NOL10: variants seen among roughly 807,000 people sequenced by gnomAD.
NOL10 encodes H_NH0074G24.1.
NOL10 carries 58 observed loss-of-function variants against 103.5 expected under a neutral mutation model. The observed-to-expected ratio is 0.56, with a 90% CI of 0.45 to 0.70. The LOEUF (loss-of-function observed/expected upper bound fraction) is 0.70, where lower values mean the gene tolerates loss of function less well. NOL10 is among the 30% of genes least tolerant of loss of function. The pLI, the probability that NOL10 is intolerant of heterozygous loss-of-function variation, is 0.00. For synonymous variants in NOL10, 287 were observed against 282.5 expected, an observed-to-expected ratio of 1.02 and a Z score of -0.16; for missense variants, 763 against 807.3, an observed-to-expected ratio of 0.95 and a Z score of 0.67.
chr2:10,573,196 G>A (rs1313313500), intron 20 of NOL10, among the ~76,000 whole-genome samples: 2 of 151,870 alleles, frequency 1.3e-5, no homozygotes, highest in Non-Finnish European at 2.9e-5. Context: ...TCTGGGATCT[G>A]TATTTTCTTT....
At chr2:10,630,416 T>C (rs905360776) in intron 13 of NOL10, among the ~76,000 whole-genome samples, 2 of 152,122 alleles carry the variant, frequency 1.3e-5, no homozygotes, top group African/African-American at 4.8e-5. Flanking sequence ...CATTTGACCT[T>C]AAACAATAAC....
chr2:10,619,843 T>C (rs1044094156), intron 13 of NOL10, among the ~76,000 whole-genome samples: 5 of 152,238 alleles, frequency 3.3e-5, no homozygotes, highest in Admixed American at 2.6e-4. Context: ...TTTATCATCA[T>C]ATTACACTTG....
At chr2:10,684,452 T>G in intron 2 of NOL10, 115 bp downstream of exon 2, 1 of 816,332 alleles carries the variant, frequency 1.2e-6, no homozygotes, top group East Asian at 2.8e-5. Flanking sequence ...GCATTCATTT[T>G]CCACTACATG....
chr2:10,689,231 G>C (rs879737329), intron 1 of NOL10, among the ~76,000 whole-genome samples: 2 of 152,152 alleles, frequency 1.3e-5, no homozygotes, highest in Admixed American at 1.3e-4. Context: ...CTAAACACGA[G>C]AAGATTGGAA....
At position 10,618,238 on chromosome 2, in the gene NOL10, GTTT is replaced by G. The variant is rs1553302180; in HGVS notation, c.1027-10930_1027-10928del. Among the ~76,000 whole-genome samples, 363 of 130,392 alleles carry G rather than the reference GTTT, an allele frequency of 2.8e-3. 1 individual carries two copies. The highest frequency in any genetic ancestry group is 8.7e-3 in the African/African-American group (325 of 37,162). 85.5% of individuals were successfully genotyped at this position (130,392 alleles called of 152,430 possible). A position where few individuals can be genotyped will look rare whatever the true frequency, so the allele number is the denominator to read the frequency against. ...ATGTGTATTATGTCTTTAAAAAGCT[GTTT>G]TTTTAAAAAAAAATGAATTAAGGAG... On this transcript the variant is annotated intron_variant, in intron 13 of 20. Transcript: ENST00000381685.
chr2:10,664,930 T>C (rs1193724866), intron 8 of NOL10, among the ~76,000 whole-genome samples: 8 of 152,184 alleles, frequency 5.3e-5, no homozygotes, highest in African/African-American at 1.7e-4. Context: ...GAAACAGGAA[T>C]AGGACAGGGT....
chr2:10,603,010 T>A, intron 15 of NOL10, 68 bp downstream of exon 15: 2 of 1,315,736 alleles, frequency 1.5e-6, no homozygotes, highest in Non-Finnish European at 1.1e-6. Context: ...AAAGTGCGAG[T>A]AGTGAGGAAA....
intron 19 of NOL10, among the ~76,000 whole-genome samples, chr2:10,582,118 A>G (rs1475827531): frequency 6.6e-6 from 1 of 152,254 alleles, no homozygotes; most frequent in Non-Finnish European, 1.5e-5. Flanking sequence ...TTTCCAGATT[A>G]GATTTTTAAA....
intron 2 of NOL10, 117 bp downstream of exon 2, chr2:10,684,450 T>G: frequency 1.2e-6 from 1 of 812,472 alleles, no homozygotes; most frequent in South Asian, 1.8e-5. Flanking sequence ...GAGCATTCAT[T>G]TTCCACTACA....
intron 4 of NOL10, 40 bp downstream of exon 4, chr2:10,675,751 TAAA>T: frequency 2.6e-6 from 3 of 1,167,772 alleles, no homozygotes; most frequent in Admixed American, 2.7e-5. Flanking sequence ...GCAGACAACA[TAAA>T]AAGCCATTTT....
intron 12 of NOL10, among the ~76,000 whole-genome samples, chr2:10,644,585 CCTAA>C (rs1384393052): frequency 1.3e-5 from 2 of 152,068 alleles, no homozygotes; most frequent in Non-Finnish European, 2.9e-5. Flanking sequence ...AAAGCAAATT[CCTAA>C]CTTTTACAAA....
chr2:10,599,498 T>C (rs1336227217), intron 17 of NOL10, among the ~76,000 whole-genome samples: 1 of 152,334 alleles, frequency 6.6e-6, no homozygotes, highest in Non-Finnish European at 1.5e-5. Flanking sequence ...TTTATACACA[T>C]TGGTGTAACT....
chr2:10,643,642 C>A (rs1678866520), intron 13 of NOL10, among the ~76,000 whole-genome samples: 1 of 152,030 alleles, frequency 6.6e-6, no homozygotes, highest in South Asian at 2.1e-4. Flanking sequence ...ATATATGTAA[C>A]TTATTTTTAA....
chr2:10,660,442 G>A (rs1680121861), intron 9 of NOL10, among the ~76,000 whole-genome samples: 1 of 151,956 alleles, frequency 6.6e-6, no homozygotes. Context: ...TCAGCCTCCC[G>A]AGTAGCTGGG....
chr2:10,638,483 C>CTTTTTTTTTTTTT lies in NOL10; in HGVS notation c.1026+5824_1026+5836dup, dbSNP rs869294782. On this transcript the variant is annotated intron_variant, in intron 13 of 20. Transcript: ENST00000381685. ...GCACATACCCTTATAGCTGAATTCCCTTTTTTTTTTTTTTTTTTTTTTTTT... is the reference window on the plus strand; with the variant it reads ...GCACATACCCTTATAGCTGAATTCCCTTTTTTTTTTTTTTTTTTTTTTTTTTTTTTTTTTTTTT... Among the ~76,000 whole-genome samples the CTTTTTTTTTTTTT allele has an allele frequency of 4.0e-4, 31 of 77,778 alleles. 5 individuals are homozygous for CTTTTTTTTTTTTT. Among genetic ancestry groups the CTTTTTTTTTTTTT allele is most frequent in the African/African-American group, 1.6e-3 (30 of 18,674 alleles). The allele number at this position is 77,778 out of a possible 152,430, so 51.0% of individuals were successfully genotyped here. A position where few individuals can be genotyped will look rare whatever the true frequency, so the allele number is the denominator to read the frequency against.
intron 13 of NOL10, among the ~76,000 whole-genome samples, chr2:10,609,431 C>CAAAAAAAAAAAAAAAAAAA (rs60104799): frequency 9.0e-6 from 1 of 111,588 alleles, no homozygotes; most frequent in Non-Finnish European, 1.7e-5. Flanking sequence ...ACTAAAAATA[C>CAAAAAAAAAAAAAAAAAAA]AAAAAAAAAA....
chr2:10,632,046 C>T (rs752477921), intron 13 of NOL10, among the ~76,000 whole-genome samples: 11 of 152,130 alleles, frequency 7.2e-5, no homozygotes, highest in South Asian at 2.1e-4. Context: ...GCATTAAGTA[C>T]GGTCAAGAAG....
At chr2:10,592,460 G>C (rs1245338173) in intron 17 of NOL10, among the ~76,000 whole-genome samples, 1 of 152,120 alleles carries the variant, frequency 6.6e-6, no homozygotes, top group African/African-American at 2.4e-5. Context: ...ACACCACTAG[G>C]TGTCTGGGAA....
chr2:10,584,172 T>C (rs948209334), intron 19 of NOL10, among the ~76,000 whole-genome samples: 1 of 152,200 alleles, frequency 6.6e-6, no homozygotes, highest in African/African-American at 2.4e-5. Context: ...AGTTTCCATA[T>C]GATTTCAAGG....
Sources: allele counts gnomAD v4.1 joint callset (sites outside exome capture counted in the v4.1 genomes callset), GRCh38; gene constraint gnomAD v4.1.1; transcripts MANE v1.5; gene names NCBI Gene and HGNC (gene_info 2026-07-23, HGNC 2026-07-21).